The following ZNF347 variants were observed in gnomAD, a reference collection of about 807,000 sequenced individuals.
ZNF347 encodes CTD-2620I22.7.
Under a neutral mutation model 12.9 loss-of-function variants are expected in ZNF347, and 19 were observed. The observed-to-expected ratio is 1.47, with a 90% confidence interval of 1.03 to 2.16. The LOEUF is 2.16. Ranked by LOEUF, ZNF347 falls within the 30% of genes most tolerant of loss-of-function variation. ZNF347 has a pLI of 0.00. For missense variants in ZNF347, 1,005 were observed against 990.6 expected, an observed-to-expected ratio of 1.01 and a Z score of -0.19; for synonymous variants, 328 against 340.6, an observed-to-expected ratio of 0.96 and a Z score of 0.41.
intron 4 of ZNF347, among the ~76,000 whole-genome samples, chr19:53,144,411 GC>G (rs1174265600): frequency 1.3e-5 from 2 of 152,056 alleles, no homozygotes; most frequent in Non-Finnish European, 2.9e-5. Flanking sequence ...GATCAACTTA[GC>G]AAAAGGACAT....
At chr19:53,156,474 T>G (rs1254309705) in intron 1 of ZNF347, among the ~76,000 whole-genome samples, 1 of 152,082 alleles carries the variant, frequency 6.6e-6, no homozygotes, top group Non-Finnish European at 1.5e-5. Context: ...TGCCCCTCAC[T>G]TCAGACACAG....
chr19:53,145,240 A>G (rs1011466257), intron 4 of ZNF347, among the ~76,000 whole-genome samples: 2 of 150,992 alleles, frequency 1.3e-5, no homozygotes, highest in African/African-American at 2.4e-5. Flanking sequence ...GCAGTGAGCC[A>G]AGATTGTGCC....
rs1555802061 is a variant in ZNF347 at position 53,155,316 on chromosome 19, G to GTGTGTA, written c.-46-1524_-46-1523insTACACA. On this transcript the variant is annotated intron_variant, in intron 1 of 4. Coordinates refer to ENST00000334197, the MANE Select transcript of ZNF347 (RefSeq NM_032584.3). Reference sequence around the variant, plus strand: ...ATTCTGTGTGTGTGTGTGTGTGTGTGTGTGTGTGTGTGTGTGTGTTTGTTT... The same window carrying GTGTGTA: ...ATTCTGTGTGTGTGTGTGTGTGTGTGTGTGTATGTGTGTGTGTGTGTGTGTTTGTTT... Among the ~76,000 whole-genome samples the GTGTGTA allele has an allele frequency of 2.8e-3, 417 of 151,428 alleles. 3 individuals carry two copies. The highest frequency in any genetic ancestry group is 8.8e-3 in the African/African-American group (362 of 41,250).
At chr19:53,148,903 C>A in intron 3 of ZNF347, 94 bp from the exon 4 acceptor site, 2 of 1,473,388 alleles carry the variant, frequency 1.4e-6, no homozygotes. Flanking sequence ...ACAGCTGTAT[C>A]TAAAAAAACA....
chr19:53,142,658 A>C (rs1207614075), intron 4 of ZNF347, 102 bp from the exon 5 acceptor site: 2 of 889,212 alleles, frequency 2.2e-6, no homozygotes, highest in African/African-American at 3.4e-5. Context: ...TATTAAACCA[A>C]AAGCAATTCT....
At position 53,155,319 on chromosome 19, in the gene ZNF347, T is replaced by C. The variant is rs1402193033; in HGVS notation, c.-46-1526A>G. On this transcript the variant is annotated intron_variant, in intron 1 of 4. Coordinates refer to ENST00000334197, the MANE Select transcript of ZNF347 (RefSeq NM_032584.3). ...CTGTGTGTGTGTGTGTGTGTGTGTG[T>C]GTGTGTGTGTGTGTGTTTGTTTTTT... Among the ~76,000 whole-genome samples the C allele has an allele frequency of 2.6e-5, 4 of 151,266 alleles. No homozygotes were observed. In the East Asian group the frequency reaches 7.8e-4, roughly 29 times the overall value.
intron 4 of ZNF347, among the ~76,000 whole-genome samples, chr19:53,144,114 A>C (rs1311673405): frequency 6.6e-6 from 1 of 151,460 alleles, no homozygotes; most frequent in Admixed American, 6.6e-5. Context: ...CTCTGGTAGT[A>C]TAAGTCCTTA....
At position 53,149,350 on chromosome 19, in the gene ZNF347, C is replaced by T. The variant is rs774732643; in HGVS notation, c.33G>A (p.Arg11=). 11 of 1,613,932 alleles carry T rather than the reference C, an allele frequency of 6.8e-6. No homozygotes were observed. The South Asian group carries it at 1.1e-4, about 16-fold the overall frequency. ...CCTGAGAGAATTCTATAGCCACATC[C>T]CTGAATGTCACCTGTCCCTAAAATG... The part of the protein sequence containing the change: MALTQGQVTF[R]DVAIEFSQEE... Residue 11 remains arginine (R), a synonymous_variant, in exon 3 of 5, where the codon AGG becomes AGA. Transcript: ENST00000334197.
At position 53,141,361 on chromosome 19, in the gene ZNF347, C is replaced by A; in HGVS notation, c.1467G>T (p.Glu489Asp). ...HTGEKPYKCN[E>D]CGKAFRAHSN... ...AATGTGCTCTAAAGGCTTTGCCACACTCATTACACTTATAAGGTTTCTCTC... is the reference window on the plus strand; with the variant it reads ...AATGTGCTCTAAAGGCTTTGCCACAATCATTACACTTATAAGGTTTCTCTC... Residue 489 changes from glutamate to aspartate, a missense_variant, in exon 5 of 5, where the codon GAG becomes GAT. Physicochemically the swap from Glu to Asp is conservative, Grantham distance 45 (BLOSUM62 2). Transcript: ENST00000334197. 1 of 1,613,756 alleles carries A rather than the reference C, an allele frequency of 6.2e-7. No homozygotes were observed. The highest frequency in any genetic ancestry group is 8.5e-7 in the Non-Finnish European group (1 of 1,179,932).
chr19:53,144,461 TAATA>T (rs1367755576), intron 4 of ZNF347, among the ~76,000 whole-genome samples: 7 of 152,102 alleles, frequency 4.6e-5, no homozygotes, highest in Admixed American at 2.0e-4. Flanking sequence ...AAGCTAATGT[TAATA>T]AATCTAAAGG....
rs1214465506 is a variant in ZNF347, at chr19:53,140,857, C to A, written c.1971G>T (p.Glu657Asp). 6.2e-7 allele frequency: 1 copy of A among 1,613,260 alleles called. No homozygotes were observed. Among genetic ancestry groups the A allele is most frequent in the Non-Finnish European group, 8.5e-7 (1 of 1,179,666 alleles). The change falls in exon 5 of 5, where the codon GAG becomes GAT. Residue 657 changes from glutamate (E) to aspartate (D), a missense_variant. By Grantham distance (45) the Glu-to-Asp change is conservative (BLOSUM62 2). Coordinates refer to ENST00000334197, the MANE Select transcript of ZNF347 (RefSeq NM_032584.3). ...HTGEKPYKCN[E>D]CGKVFTQNSH... The stretch of plus-strand genomic sequence containing the variant: ...AATTCTGAGTGAAGACCTTGCCACA[C>A]TCATTACATTTGTAAGGTTTTTCAC...
In ZNF347 at chr19:53,137,131, C is replaced by A. The variant is rs1232784202; in HGVS notation, c.*3177G>T. ...GAGCTCCTGACCTAAGGTGATCCAC[C>A]TGCCTCGGGCTCCCAAAGTGCTGGG... On this transcript the variant is annotated 3_prime_UTR_variant, in exon 5 of 5. Coordinates refer to ENST00000334197, the MANE Select transcript of ZNF347 (RefSeq NM_032584.3). 1 of 152,232 alleles carries A rather than the reference C, an allele frequency of 6.6e-6. No individual in the cohort carries two copies. The highest frequency in any genetic ancestry group is 6.5e-5 in the Admixed American group (1 of 15,278). The allele number at this position is 152,232 out of a possible 1,614,324, so 9.4% of individuals were successfully genotyped here.
At chr19:53,148,368 G>T (rs1423520673) in intron 4 of ZNF347, among the ~76,000 whole-genome samples, 1 of 152,178 alleles carries the variant, frequency 6.6e-6, no homozygotes, top group Non-Finnish European at 1.5e-5. Context: ...AAACACCAAA[G>T]GAGATGAAAT....
In ZNF347 at chr19:53,142,339, G is replaced by A. The variant is rs1373513880; in HGVS notation, c.489C>T (p.Leu163=). 6.2e-7 allele frequency: 1 copy of A among 1,613,940 alleles called. No homozygotes were observed. Among genetic ancestry groups the A allele is most frequent in the Non-Finnish European group, 8.5e-7 (1 of 1,180,000 alleles). Residue 163 remains leucine, a synonymous_variant, in exon 5 of 5, where the codon CTC becomes CTT. Coordinates refer to ENST00000334197, the MANE Select transcript of ZNF347 (RefSeq NM_032584.3). ...TATCATGTTCATCTCTTCCATGAGTGAGATTGCCTTCTTGGGTCAAAAGCA... is the reference window on the plus strand; with the variant it reads ...TATCATGTTCATCTCTTCCATGAGTAAGATTGCCTTCTTGGGTCAAAAGCA... ...KGVLLTQEGN[L]THGRDEHDKR...
chr19:53,144,100 A>T (rs2090446813), intron 4 of ZNF347, among the ~76,000 whole-genome samples: 1 of 152,182 alleles, frequency 6.6e-6, no homozygotes, highest in Non-Finnish European at 1.5e-5. Flanking sequence ...TGTTTAAGTG[A>T]TTTCTCTGGT....
In ZNF347 at chr19:53,135,672, C is replaced by T. The variant is rs2090385187; in HGVS notation, c.*4636G>A. On this transcript the variant is annotated 3_prime_UTR_variant, in exon 5 of 5. Coordinates refer to ENST00000334197, the MANE Select transcript of ZNF347 (RefSeq NM_032584.3). ...ACAGGCATGAGCCACTGTGCCCAGCCTAATTTGATTATTTTGCTTATCTGT... is the reference window on the plus strand; with the variant it reads ...ACAGGCATGAGCCACTGTGCCCAGCTTAATTTGATTATTTTGCTTATCTGT... The T allele has an allele frequency of 6.6e-6, 1 of 152,080 alleles. No individual in the cohort carries two copies. The highest frequency in any genetic ancestry group is 6.6e-5 in the Admixed American group (1 of 15,252). The allele number at this position is 152,080 out of a possible 1,614,324, so 9.4% of individuals were successfully genotyped here. A position where few individuals can be genotyped will look rare whatever the true frequency, so the allele number is the denominator to read the frequency against.
Position 53,139,351 on chromosome 19 carries a change from A to G in ZNF347, c.*957T>C, listed in dbSNP as rs1235844212. 6.6e-6 allele frequency: 1 copy of G among 152,218 alleles called. No homozygotes were observed. The highest frequency in any genetic ancestry group is 1.9e-4 in the East Asian group (1 of 5,190). 9.4% of individuals were successfully genotyped at this position (152,218 alleles called of 1,614,324 possible). A position where few individuals can be genotyped will look rare whatever the true frequency, so the allele number is the denominator to read the frequency against. On this transcript the variant is annotated 3_prime_UTR_variant, in exon 5 of 5. Coordinates refer to ENST00000334197, the MANE Select transcript of ZNF347 (RefSeq NM_032584.3). ...AGTCCTCCTTCTTCAATAAACATGG[A>G]TAAAAATGATCCTCATGTAATGAAG...
intron 1 of ZNF347, among the ~76,000 whole-genome samples, chr19:53,157,379 C>T (rs146099024): frequency 2.6e-5 from 4 of 152,176 alleles, no homozygotes; most frequent in African/African-American, 4.8e-5. Flanking sequence ...TGTTTCCCTC[C>T]CTCATCCTCT....
At position 53,141,646 on chromosome 19, in the gene ZNF347, G is replaced by C; in HGVS notation, c.1182C>G (p.Thr394=). The change falls in exon 5 of 5, where the codon ACC becomes ACG. Residue 394 remains threonine, a synonymous_variant. Transcript: ENST00000334197. ...ARSSLAIHQA[T]HSGEKPYKCN... is the part of the protein sequence containing the mutation. ...ATTTGTAAGGTTTTTCTCCACTGTG[G>C]GTTGCCTGATGGATAGCTAAGCTTG... 6.2e-7 allele frequency: 1 copy of C among 1,613,094 alleles called. No individual in the cohort carries two copies. Among genetic ancestry groups the C allele is most frequent in the Non-Finnish European group, 8.5e-7 (1 of 1,179,840 alleles).
Sources: gnomAD v4.1 joint callset for allele counts (sites outside exome capture counted in the v4.1 genomes callset) on GRCh38, gnomAD v4.1.1 for gene constraint, MANE v1.5 for transcripts, NCBI Gene and HGNC (gene_info 2026-07-23, HGNC 2026-07-21) for gene names.